The following ARL8B variants were observed in gnomAD, a reference collection of about 807,000 sequenced individuals.
ARL8B encodes the protein ADP-ribosylation factor-like protein 8B.
Under a neutral mutation model 30.6 loss-of-function variants are expected in ARL8B, and 9 were observed. The ratio of observed to expected loss-of-function variants is 0.29; its 90% CI spans 0.18 to 0.51. ARL8B has a LOEUF of 0.51. Ranked by LOEUF, ARL8B falls within the 20% of genes least tolerant of loss-of-function variation. ARL8B has a pLI of 0.97. For missense variants in ARL8B, 130 were observed against 227.2 expected (o/e 0.57, Z 2.75); for synonymous variants, 74 against 76.0 (o/e 0.97, Z 0.14).
At chr3:5,125,303 A>G (rs1318989765) in intron 1 of ARL8B, among the ~76,000 whole-genome samples, 1 of 152,192 alleles carries the variant, frequency 6.6e-6, no homozygotes, top group Admixed American at 6.5e-5. Flanking sequence ...TGTTTAATGC[A>G]GGAACGATGG....
rs564801406 is a variant in ARL8B at position 5,130,189 on chromosome 3, T to A, written c.123+7601T>A. On this transcript the variant is annotated intron_variant, in intron 1 of 6. Coordinates refer to ENST00000256496, the MANE Select transcript of ARL8B (RefSeq NM_018184.3). ...AAGGTCATATTCTCTTAAAAAAAAA[T>A]ATATATTTTTTTTTTGTAGAGACTT... Among the ~76,000 whole-genome samples the A allele has an allele frequency of 7.2e-4, 88 of 122,298 alleles. No individual in the cohort carries two copies. The South Asian group carries it at 9.6e-3, about 13-fold the overall frequency. 80.2% of individuals were successfully genotyped at this position (122,298 alleles called of 152,430 possible).
At chr3:5,161,911 T>C (rs950176650) in intron 1 of ARL8B, among the ~76,000 whole-genome samples, 1 of 152,208 alleles carries the variant, frequency 6.6e-6, no homozygotes, top group South Asian at 2.1e-4. Context: ...TATGTTTGTT[T>C]CCTAGTTTCT....
intron 1 of ARL8B, among the ~76,000 whole-genome samples, chr3:5,133,883 C>G (rs1000491938): frequency 3.3e-5 from 5 of 152,144 alleles, no homozygotes; most frequent in African/African-American, 1.2e-4. Context: ...TGCAGTGAGC[C>G]ATGATGGTGC....
At chr3:5,143,855 T>C (rs2054397068) in intron 1 of ARL8B, among the ~76,000 whole-genome samples, 1 of 152,234 alleles carries the variant, frequency 6.6e-6, no homozygotes, top group East Asian at 1.9e-4. Context: ...TAGGAAGATC[T>C]GTAGCTCTGC....
intron 1 of ARL8B, among the ~76,000 whole-genome samples, chr3:5,153,796 A>G (rs2054508496): frequency 6.6e-6 from 1 of 152,158 alleles, no homozygotes; most frequent in South Asian, 2.1e-4. Context: ...AACTTCCTTT[A>G]ACATTTCTTT....
At chr3:5,127,965 G>A (rs773915910) in intron 1 of ARL8B, among the ~76,000 whole-genome samples, 4 of 149,862 alleles carry the variant, frequency 2.7e-5, no homozygotes, top group Admixed American at 6.7e-5. Context: ...CAAGGCGGCC[G>A]GATCATGAGG....
chr3:5,160,260 T>A (rs2054569509), intron 1 of ARL8B, among the ~76,000 whole-genome samples: 1 of 152,224 alleles, frequency 6.6e-6, no homozygotes, highest in Admixed American at 6.5e-5. Context: ...TCAATGTTTC[T>A]GAATATTTGA....
At position 5,128,396 on chromosome 3, in the gene ARL8B, T is replaced by A. The variant is rs145408931; in HGVS notation, c.123+5808T>A. The stretch of plus-strand genomic sequence containing the variant: ...AAATGAGGCATCTTACAAAGGAACA[T>A]CTCTACCTTCCATAAAGTTTTCTAC... On this transcript the variant is annotated intron_variant, in intron 1 of 6. Transcript: ENST00000256496. 1.7e-4 allele frequency: 75 copies of A among 448,648 alleles called. 1 individual carries two copies. The East Asian group carries it at 4.9e-3, about 29-fold the overall frequency. The allele number at this position is 448,648 out of a possible 1,614,324, so 27.8% of individuals were successfully genotyped here.
chr3:5,133,752 A>G (rs1387398362), intron 1 of ARL8B, among the ~76,000 whole-genome samples: 1 of 152,030 alleles, frequency 6.6e-6, no homozygotes, highest in Non-Finnish European at 1.5e-5. Context: ...ACATAGTGAA[A>G]CTCTGGTCTC....
chr3:5,132,538 T>C (rs13072454), intron 1 of ARL8B, among the ~76,000 whole-genome samples: 58,678 of 152,058 alleles, frequency 0.39, 12,067 homozygotes, highest in African/African-American at 0.55. Flanking sequence ...TGCGCCCGGC[T>C]CCTCTCATTA....
chr3:5,165,322 GA>G (rs1435668488), intron 1 of ARL8B, among the ~76,000 whole-genome samples: 1 of 152,012 alleles, frequency 6.6e-6, no homozygotes, highest in Admixed American at 6.6e-5. Flanking sequence ...ACTTACTACA[GA>G]AATACAGAAA....
At chr3:5,124,871 T>C (rs1475102584) in intron 1 of ARL8B, among the ~76,000 whole-genome samples, 1 of 152,222 alleles carries the variant, frequency 6.6e-6, no homozygotes, top group East Asian at 1.9e-4. Flanking sequence ...GGAGTCATCT[T>C]GTAAAACTTG....
At position 5,128,878 on chromosome 3, in the gene ARL8B, CT is replaced by C. The variant is rs2054255525; in HGVS notation, c.123+6291del. On this transcript the variant is annotated intron_variant, in intron 1 of 6. Coordinates refer to ENST00000256496, the MANE Select transcript of ARL8B (RefSeq NM_018184.3). ...AATATTACTTATAATGCTTTATATT[CT>C]GGTTTAATTGTTACAGTGTATGCAT... is the stretch of plus-strand genomic sequence containing the variant. Among the ~76,000 whole-genome samples the C allele has an allele frequency of 1.3e-5, 2 of 152,228 alleles. 1 individual carries two copies. The highest frequency in any genetic ancestry group is 2.9e-5 in the Non-Finnish European group (2 of 68,010).
rs1028054370 is a variant in ARL8B, at chr3:5,134,278, T to C, written c.123+11690T>C. Reference sequence around the variant, plus strand: ...GCAGAATGTTCTCCACTCCTCAGGATTGCTGTTGGGCTATCTTGATTTATT... The same window carrying C: ...GCAGAATGTTCTCCACTCCTCAGGACTGCTGTTGGGCTATCTTGATTTATT... On this transcript the variant is annotated intron_variant, in intron 1 of 6. Transcript: ENST00000256496. 2.0e-5 allele frequency among the ~76,000 whole-genome samples: 3 copies of C among 152,220 alleles called. No individual in the cohort carries two copies. The East Asian group carries it at 5.8e-4, about 29-fold the overall frequency.
chr3:5,170,130 G>C (rs2054659851), intron 1 of ARL8B, among the ~76,000 whole-genome samples: 2 of 152,152 alleles, frequency 1.3e-5, no homozygotes, highest in South Asian at 4.1e-4. Context: ...AATAGTTACT[G>C]TCAGAATAAT....
intron 1 of ARL8B, among the ~76,000 whole-genome samples, chr3:5,160,893 T>C (rs1575570768): frequency 6.6e-6 from 1 of 152,230 alleles, no homozygotes; most frequent in Admixed American, 6.5e-5. Flanking sequence ...CCTGACAGGA[T>C]AAATAAAACT....
rs770576424 is a variant in ARL8B at position 5,180,476 on chromosome 3, A to G, written c.*1763A>G. 1 of 152,530 alleles carries G rather than the reference A, an allele frequency of 6.6e-6. No individual in the cohort carries two copies. Among genetic ancestry groups the G allele is most frequent in the Non-Finnish European group, 1.5e-5 (1 of 68,050 alleles). The allele number at this position is 152,530 out of a possible 1,614,324, so 9.4% of individuals were successfully genotyped here. A position where few individuals can be genotyped will look rare whatever the true frequency, so the allele number is the denominator to read the frequency against. ...GTGCCTAAAAGGAGGAATTGGAACT[A>G]GAATGTGTGACTCTGTGGGGACTGC... On this transcript the variant is annotated 3_prime_UTR_variant, in exon 7 of 7. Transcript: ENST00000256496.
In ARL8B at chr3:5,179,486, A is replaced by G. The variant is rs1389041785; in HGVS notation, c.*773A>G. On this transcript the variant is annotated 3_prime_UTR_variant, in exon 7 of 7. Coordinates refer to ENST00000256496, the MANE Select transcript of ARL8B (RefSeq NM_018184.3). The stretch of plus-strand genomic sequence containing the variant: ...TTGTTTTTTCTTCCTGGTTCAGGAT[A>G]CTTTTTTAAGGGGTTGAGAATTGAA... The G allele has an allele frequency of 6.6e-6, 1 of 152,430 alleles. No homozygotes were observed. The highest frequency in any genetic ancestry group is 2.4e-5 in the African/African-American group (1 of 41,446). 9.4% of individuals were successfully genotyped at this position (152,430 alleles called of 1,614,324 possible). A position where few individuals can be genotyped will look rare whatever the true frequency, so the allele number is the denominator to read the frequency against.
At chr3:5,151,727 C>CG (rs1312031551) in intron 1 of ARL8B, among the ~76,000 whole-genome samples, 2 of 126,404 alleles carry the variant, frequency 1.6e-5, no homozygotes, top group South Asian at 5.5e-4. Context: ...CCCCACCCCC[C>CG]CCCTTGGAGA....
Sources: allele counts gnomAD v4.1 joint callset (sites outside exome capture counted in the v4.1 genomes callset), GRCh38; gene constraint gnomAD v4.1.1; transcripts MANE v1.5; gene names NCBI Gene and HGNC (gene_info 2026-07-23, HGNC 2026-07-21).